Variants in SPATS2 observed in about 807,000 individuals in gnomAD.
SPATS2 encodes the protein spermatogenesis associated serine rich 2.
SPATS2 carries 38 observed loss-of-function variants against 63.7 expected under a neutral mutation model. The ratio of observed to expected loss-of-function variants is 0.60; its 90% CI spans 0.46 to 0.78. The LOEUF is 0.78. Among genes scored for constraint, SPATS2 ranks in the 30% least tolerant of loss-of-function variants. The pLI is 0.00. For synonymous variants in SPATS2, 207 were observed against 232.9 expected (o/e 0.89, Z 1.01); for missense variants, 588 against 666.2 (o/e 0.88, Z 1.29).
chr12:49,497,691 G>A (rs1353076154), intron 8 of SPATS2, among the ~76,000 whole-genome samples: 1 of 152,052 alleles, frequency 6.6e-6, no homozygotes, highest in Non-Finnish European at 1.5e-5. Context: ...ACTGCGCCCA[G>A]CCAACATTGA....
intron 2 of SPATS2, among the ~76,000 whole-genome samples, chr12:49,457,519 C>T (rs540268438): frequency 1.2e-4 from 18 of 152,048 alleles, no homozygotes; most frequent in African/African-American, 3.4e-4. Flanking sequence ...CTGCAACCTC[C>T]GCCTCCCGGG....
In SPATS2 at chr12:49,526,385, A is replaced by T. The variant is rs982863504; in HGVS notation, c.*130A>T. On this transcript the variant is annotated 3_prime_UTR_variant, in exon 14 of 14. Coordinates refer to ENST00000552918, the MANE Select transcript of SPATS2 (RefSeq NM_023071.4). Reference sequence around the variant, plus strand: ...TATCACTTTTTGTGCCATTCTAAGTATTTTTGGTTTCTTGTCTCCTTATTT... The same window carrying T: ...TATCACTTTTTGTGCCATTCTAAGTTTTTTTGGTTTCTTGTCTCCTTATTT... The T allele has an allele frequency of 8.4e-7, 1 of 1,193,086 alleles. No individual in the cohort carries two copies. Among genetic ancestry groups the T allele is most frequent in the Non-Finnish European group, 1.1e-6 (1 of 878,462 alleles). The allele number at this position is 1,193,086 out of a possible 1,614,324, so 73.9% of individuals were successfully genotyped here. A position where few individuals can be genotyped will look rare whatever the true frequency, so the allele number is the denominator to read the frequency against.
chr12:49,450,076 C>CT (rs1410893157), intron 2 of SPATS2, among the ~76,000 whole-genome samples: 1 of 152,058 alleles, frequency 6.6e-6, no homozygotes, highest in Admixed American at 6.6e-5. Context: ...TTATCTGATA[C>CT]TAAGCCCTTT....
intron 2 of SPATS2, among the ~76,000 whole-genome samples, chr12:49,446,701 T>G (rs917942343): frequency 6.6e-6 from 1 of 152,198 alleles, no homozygotes; most frequent in Non-Finnish European, 1.5e-5. Flanking sequence ...TCTCCCGTCT[T>G]AAGGGCTCAT....
At chr12:49,446,871 T>C (rs1945520162) in intron 2 of SPATS2, among the ~76,000 whole-genome samples, 1 of 152,210 alleles carries the variant, frequency 6.6e-6, no homozygotes, top group South Asian at 2.1e-4. Flanking sequence ...TTTAGAATTC[T>C]GCCTGCTACA....
chr12:49,450,544 G>T lies in SPATS2; in HGVS notation c.-243-10226G>T, dbSNP rs7974626. ...CAGGCGTGAGCCACCGCGCCTGGCC[G>T]AGTGGAGTCTTTTTTTGAGACGGAG... On this transcript the variant is annotated intron_variant, in intron 2 of 13. Coordinates refer to ENST00000552918, the MANE Select transcript of SPATS2 (RefSeq NM_023071.4). Among the ~76,000 whole-genome samples the T allele has an allele frequency of 4.2e-3, 633 of 151,176 alleles. 2 individuals are homozygous for T. Among genetic ancestry groups the T allele is most frequent in the African/African-American group, 0.015 (606 of 41,132 alleles).
At chr12:49,453,208 A>G (rs1025042129) in intron 2 of SPATS2, among the ~76,000 whole-genome samples, 3 of 151,286 alleles carry the variant, frequency 2.0e-5, no homozygotes, top group African/African-American at 4.9e-5. Context: ...GAAGTGTAGC[A>G]TTTGGGCCTA....
intron 2 of SPATS2, among the ~76,000 whole-genome samples, chr12:49,421,291 G>A (rs568506595): frequency 7.3e-5 from 11 of 151,672 alleles, no homozygotes; most frequent in Admixed American, 3.9e-4. Context: ...GGTGGCGTGC[G>A]CCTGTAATCC....
intron 3 of SPATS2, among the ~76,000 whole-genome samples, chr12:49,478,768 C>T (rs1368008347): frequency 6.6e-6 from 1 of 152,134 alleles, no homozygotes; most frequent in East Asian, 1.9e-4. Context: ...GAAATTGTTA[C>T]GGATCTTTGG....
At chr12:49,453,091 G>A (rs557647492) in intron 2 of SPATS2, among the ~76,000 whole-genome samples, 15 of 151,664 alleles carry the variant, frequency 9.9e-5, no homozygotes, top group Middle Eastern at 6.8e-3. Flanking sequence ...CCCGGGAGGC[G>A]GAGCTTGCAG....
intron 2 of SPATS2, among the ~76,000 whole-genome samples, chr12:49,402,491 ATAAT>A (rs1302289878): frequency 6.6e-6 from 1 of 152,206 alleles, no homozygotes; most frequent in Non-Finnish European, 1.5e-5. Flanking sequence ...TTGGGGGACT[ATAAT>A]TATTGTAACG....
intron 2 of SPATS2, among the ~76,000 whole-genome samples, chr12:49,389,285 G>A (rs1944376168): frequency 6.6e-6 from 1 of 152,188 alleles, no homozygotes; most frequent in Admixed American, 6.5e-5. Context: ...GCCCCTGGCG[G>A]AGGCGGTTAG....
intron 9 of SPATS2, among the ~76,000 whole-genome samples, chr12:49,511,157 T>C (rs1946746866): frequency 6.6e-6 from 1 of 150,726 alleles, no homozygotes; most frequent in Admixed American, 6.6e-5. Context: ...GCCAACATCA[T>C]GCTATTGTAC....
intron 2 of SPATS2, among the ~76,000 whole-genome samples, chr12:49,403,187 A>G (rs1352686039): frequency 6.6e-6 from 1 of 152,216 alleles, no homozygotes; most frequent in Non-Finnish European, 1.5e-5. Context: ...GGACAGAGGT[A>G]GTGAAGAAGC....
rs939938642 is a variant in SPATS2, at chr12:49,472,146, G to GC, written c.25+11115dup. Among the ~76,000 whole-genome samples, 5 of 151,480 alleles carry GC rather than the reference G, an allele frequency of 3.3e-5. No homozygotes were observed. The East Asian group carries it at 9.7e-4, about 29-fold the overall frequency. ...GAGCAAGACTCTTTGTCTCAAAAGC[G>GC]CCCCCCAAAACAAAAATTTATTATT... On this transcript the variant is annotated intron_variant, in intron 3 of 13. Coordinates refer to ENST00000552918, the MANE Select transcript of SPATS2 (RefSeq NM_023071.4).
chr12:49,448,571 T>C (rs2137594842), intron 2 of SPATS2, among the ~76,000 whole-genome samples: 1 of 152,182 alleles, frequency 6.6e-6, no homozygotes, highest in African/African-American at 2.4e-5. Context: ...TGAAACCCCA[T>C]CTCTACAAAA....
At chr12:49,390,054 C>A (rs986707371) in intron 2 of SPATS2, 5 of 1,042,220 alleles carry the variant, frequency 4.8e-6, no homozygotes, top group Admixed American at 3.4e-5. Flanking sequence ...TTAGAGAGAT[C>A]CTATAAATAA....
chr12:49,514,269 T>A (rs1946803152), intron 9 of SPATS2, among the ~76,000 whole-genome samples: 1 of 152,212 alleles, frequency 6.6e-6, no homozygotes. Flanking sequence ...GCTACTGCCA[T>A]CTGCTGGTTC....
chr12:49,422,318 A>G (rs1944997463), intron 2 of SPATS2, among the ~76,000 whole-genome samples: 1 of 152,184 alleles, frequency 6.6e-6, no homozygotes, highest in African/African-American at 2.4e-5. Context: ...ATTACATGAC[A>G]TGTATGTAAT....
Sources: allele counts gnomAD v4.1 joint callset (sites outside exome capture counted in the v4.1 genomes callset), GRCh38; gene constraint gnomAD v4.1.1; transcripts MANE v1.5; gene names NCBI Gene and HGNC (gene_info 2026-07-23, HGNC 2026-07-21).